Variants in UBE2O observed in about 807,000 individuals in gnomAD.
UBE2O encodes ubiquitin conjugating enzyme E2 O.
Under a neutral mutation model 125.8 loss-of-function variants are expected in UBE2O, and 15 were observed. The ratio of observed to expected loss-of-function variants is 0.12; its 90% CI spans 0.08 to 0.18. UBE2O has a LOEUF of 0.18. Among genes scored for constraint, UBE2O ranks in the 10% least tolerant of loss-of-function variants. The pLI is 1.00. For missense variants in UBE2O, 1,280 were observed against 1,723.6 expected (o/e 0.74, Z 4.56); for synonymous variants, 708 against 703.2 (o/e 1.01, Z -0.11).
In UBE2O at chr17:76,400,800, C is replaced by T. The variant is rs371018680; in HGVS notation, c.894+211G>A. Among the ~76,000 whole-genome samples, 401 of 152,314 alleles carry T rather than the reference C, an allele frequency of 2.6e-3. 1 individual carries two copies. Among genetic ancestry groups the T allele is most frequent in the Non-Finnish European group, 3.3e-3 (225 of 68,028 alleles). ...CTTGCCACCCTCCCACCTTGCTCAG[C>T]CTGTACAGGCTGGGCTGGGGCACAT... On this transcript the variant is annotated intron_variant, in intron 6 of 17. Transcript: ENST00000319380. The surrounding 1 kb of genome is among the most constrained non-coding windows in gnomAD (Gnocchi z 4.3).
At chr17:76,392,209 A>T (rs2072124971) in intron 15 of UBE2O, 96 bp from the exon 16 acceptor site, 1 of 754,782 alleles carries the variant, frequency 1.3e-6, no homozygotes, top group African/African-American at 1.8e-5. Context: ...CTTTCCCAGG[A>T]CACTGTGCAG....
In UBE2O at chr17:76,418,592, C is replaced by T. The variant is rs1406270105; in HGVS notation, c.418-13020G>A. On this transcript the variant is annotated intron_variant, in intron 1 of 17. Coordinates refer to ENST00000319380, the MANE Select transcript of UBE2O (RefSeq NM_022066.4). ...AGGTTTTTTTTTTTTTTTTTTGAGA[C>T]GGAGTCTCGCTCTGTCACCCAGGCT... 4.8e-5 allele frequency among the ~76,000 whole-genome samples: 7 copies of T among 147,190 alleles called. No homozygotes were observed. The East Asian group carries it at 6.0e-4, about 13-fold the overall frequency.
rs1169008385 is a variant in UBE2O at position 76,396,693 on chromosome 17, C to T, written c.2244G>A (p.Val748=). The T allele has an allele frequency of 1.9e-6, 3 of 1,613,824 alleles. No homozygotes were observed. The highest frequency in any genetic ancestry group is 1.7e-5 in the Admixed American group (1 of 60,002). Residue 748 remains valine, a synonymous_variant, in exon 14 of 18, where the codon GTG becomes GTA. Transcript: ENST00000319380. This position sits in a 1 kb window ranked among gnomAD's most constrained non-coding sequence, Gnocchi z 6.7. Reference sequence around the variant, plus strand: ...CCTCTATCTTGGGGTGCTCGTCCTCCACCAGCCCATTGTCCGTCTCCCAGC... The same window carrying T: ...CCTCTATCTTGGGGTGCTCGTCCTCTACCAGCCCATTGTCCGTCTCCCAGC... ...SDSWETDNGL[V]EDEHPKIEEP...
chr17:76,413,612 G>A (rs2072553378), intron 1 of UBE2O, among the ~76,000 whole-genome samples: 2 of 152,200 alleles, frequency 1.3e-5, no homozygotes, highest in South Asian at 2.1e-4. Flanking sequence ...TACCGTGAGT[G>A]ACTGCTGAGA....
At chr17:76,413,418 C>A (rs1172418617) in intron 1 of UBE2O, among the ~76,000 whole-genome samples, 1 of 151,956 alleles carries the variant, frequency 6.6e-6, no homozygotes, top group East Asian at 1.9e-4. Context: ...GGTTATAGAA[C>A]CAATTTAGTG....
chr17:76,395,796 GCA>G lies in UBE2O; in HGVS notation c.2873_2874del (p.Val958AlafsTer13). The G allele has an allele frequency of 6.2e-7, 1 of 1,614,218 alleles. No homozygotes were observed. The highest frequency in any genetic ancestry group is 8.5e-7 in the Non-Finnish European group (1 of 1,180,036). The stretch of plus-strand genomic sequence containing the variant: ...GTAGCCAGCAGCGCCATCTCCTTCC[GCA>G]CTGTGCTGAAGAACTTCTTGGCTTC... ...PPEAKKFFST[V>X]RKEMALLATS... is the part of the protein sequence containing the mutation. On this transcript the variant is annotated frameshift_variant, in exon 15 of 18. Transcript: ENST00000319380. LOFTEE classifies it high-confidence loss of function. This position sits in a 1 kb window ranked among gnomAD's most constrained non-coding sequence, Gnocchi z 5.0.
chr17:76,425,225 C>CAAAAAAAAAAAAAA (rs58377572), intron 1 of UBE2O, among the ~76,000 whole-genome samples: 7 of 95,062 alleles, frequency 7.4e-5, no homozygotes, highest in Non-Finnish European at 1.4e-4. Context: ...GTCCTTTCGA[C>CAAAAAAAAAAAAAA]AAAAAAAAAA....
Position 76,452,901 on chromosome 17 carries a change from G to A in UBE2O, c.241C>T (p.Leu81Phe). 6.7e-7 allele frequency: 1 copy of A among 1,497,518 alleles called. No individual in the cohort carries two copies. The highest frequency in any genetic ancestry group is 8.9e-7 in the Non-Finnish European group (1 of 1,122,592). 92.8% of individuals were successfully genotyped at this position (1,497,518 alleles called of 1,614,324 possible). A position where few individuals can be genotyped will look rare whatever the true frequency, so the allele number is the denominator to read the frequency against. ...GAGTCCGAGTCCTCGCCGTGGATGA[G>A]GCGCACCAGCCCGAAGTGCACGGAG... Reference protein sequence around the residue: ...RGSVHFGLVRLIHGEDSDSEG... With the variant: ...RGSVHFGLVRFIHGEDSDSEG... The change falls in exon 1 of 18, where the codon CTC (leucine) becomes TTC (phenylalanine). Residue 81 changes from leucine to phenylalanine, a missense_variant. By Grantham distance (22) the Leu-to-Phe change is conservative. Coordinates refer to ENST00000319380, the MANE Select transcript of UBE2O (RefSeq NM_022066.4). The surrounding 1 kb of genome is among the most constrained non-coding windows in gnomAD (Gnocchi z 4.4).
intron 1 of UBE2O, among the ~76,000 whole-genome samples, chr17:76,437,709 G>A (rs1456880680): frequency 6.6e-6 from 1 of 152,108 alleles, no homozygotes; most frequent in Non-Finnish European, 1.5e-5. Context: ...ACGTGCCACT[G>A]TGCCTGGCTC....
Position 76,399,092 on chromosome 17 carries a change from C to G in UBE2O, c.1629-101G>C. 6.9e-7 allele frequency: 1 copy of G among 1,447,204 alleles called. No individual in the cohort carries two copies. The allele number at this position is 1,447,204 out of a possible 1,614,324, so 89.6% of individuals were successfully genotyped here. A position where few individuals can be genotyped will look rare whatever the true frequency, so the allele number is the denominator to read the frequency against. On this transcript the variant is annotated intron_variant, in intron 9 of 17. Transcript: ENST00000319380. The surrounding 1 kb of genome is among the most constrained non-coding windows in gnomAD (Gnocchi z 6.9). The stretch of plus-strand genomic sequence containing the variant: ...CTTCCTGTCCCTGTGGGCTTGGTAA[C>G]CTGAAACTCTGAATCCCAGGTTGGC...
chr17:76,424,555 T>C (rs1031487489), intron 1 of UBE2O, among the ~76,000 whole-genome samples: 1 of 152,058 alleles, frequency 6.6e-6, no homozygotes, highest in Non-Finnish European at 1.5e-5. Context: ...GTATCTTGGA[T>C]ATATACTGAG....
At chr17:76,450,488 C>T (rs2073221356) in intron 1 of UBE2O, among the ~76,000 whole-genome samples, 1 of 152,158 alleles carries the variant, frequency 6.6e-6, no homozygotes, top group African/African-American at 2.4e-5. Context: ...CGTCCCTTGG[C>T]TTTTGCTAAA....
intron 1 of UBE2O, among the ~76,000 whole-genome samples, chr17:76,407,148 C>T (rs1048566260): frequency 6.6e-6 from 1 of 152,178 alleles, no homozygotes; most frequent in Non-Finnish European, 1.5e-5. Flanking sequence ...GTCACCAAGG[C>T]AGCGGACCGC....
chr17:76,398,368 C>T lies in UBE2O; in HGVS notation c.1912G>A (p.Glu638Lys). ...GDDVELIGEE[E>K]DVSVYDIADH... ...GCAATGTCGTAAACACTCACATCTT[C>T]CTCTTCTCCAATCAGCTGTGGCACA... The change falls in exon 12 of 18, where the codon GAA becomes AAA. Residue 638 changes from glutamate (E) to lysine (K), a missense_variant. By Grantham distance (56) the Glu-to-Lys change is moderately conservative (BLOSUM62 1). Coordinates refer to ENST00000319380, the MANE Select transcript of UBE2O (RefSeq NM_022066.4). The surrounding 1 kb of genome is among the most constrained non-coding windows in gnomAD (Gnocchi z 5.4). The T allele has an allele frequency of 6.2e-7, 1 of 1,614,132 alleles. No homozygotes were observed. Among genetic ancestry groups the T allele is most frequent in the South Asian group, 1.1e-5 (1 of 91,074 alleles).
rs1259133950 is a variant in UBE2O, at chr17:76,452,048, C to T, written c.417+677G>A. 6.6e-6 allele frequency among the ~76,000 whole-genome samples: 1 copy of T among 151,956 alleles called. No individual in the cohort carries two copies. The highest frequency in any genetic ancestry group is 1.9e-4 in the East Asian group (1 of 5,194). ...TCTGGATTATTTTTTTCAAGGAGTC[C>T]ATATGCACTTAGGAGTCATCAATCC... On this transcript the variant is annotated intron_variant, in intron 1 of 17. Transcript: ENST00000319380. The surrounding 1 kb of genome is among the most constrained non-coding windows in gnomAD (Gnocchi z 4.4).
chr17:76,452,685 C>A lies in UBE2O; in HGVS notation c.417+40G>T. 2.2e-6 allele frequency: 3 copies of A among 1,346,920 alleles called. No homozygotes were observed. Among genetic ancestry groups the A allele is most frequent in the Non-Finnish European group, 1.9e-6 (2 of 1,059,640 alleles). The allele number at this position is 1,346,920 out of a possible 1,614,324, so 83.4% of individuals were successfully genotyped here. On this transcript the variant is annotated intron_variant, in intron 1 of 17. Transcript: ENST00000319380. This position sits in a 1 kb window ranked among gnomAD's most constrained non-coding sequence, Gnocchi z 4.4. ...TCCCTGGCCTCGGCCCGGCCGCCGA[C>A]CCCCTGCCGCCCGCGCCGCCCAGCC...
At chr17:76,394,772 A>C (rs897197887) in intron 15 of UBE2O, among the ~76,000 whole-genome samples, 2 of 152,242 alleles carry the variant, frequency 1.3e-5, no homozygotes, top group Non-Finnish European at 2.9e-5. Flanking sequence ...GTCTGGTCAA[A>C]GGCAACTTTA....
chr17:76,414,280 T>C (rs1481977182), intron 1 of UBE2O, among the ~76,000 whole-genome samples: 1 of 152,258 alleles, frequency 6.6e-6, no homozygotes, highest in Non-Finnish European at 1.5e-5. Flanking sequence ...ACTGATTGAA[T>C]AGTTTTTGAG....
In UBE2O at chr17:76,414,475, C is replaced by T. The variant is rs141110856; in HGVS notation, c.418-8903G>A. Among the ~76,000 whole-genome samples the T allele has an allele frequency of 9.4e-3, 1,425 of 152,292 alleles. 67 individuals carry two copies. Among genetic ancestry groups the T allele is most frequent in the Admixed American group, 0.07 (1,065 of 15,304 alleles). On this transcript the variant is annotated intron_variant, in intron 1 of 17. Coordinates refer to ENST00000319380, the MANE Select transcript of UBE2O (RefSeq NM_022066.4). ...CAGAAACTGAGTCCTGTCTGGATGG[C>T]GGTGGGGGAAGGCAGGAGGACCGGG...
Sources: gnomAD v4.1 joint callset for allele counts (sites outside exome capture counted in the v4.1 genomes callset) on GRCh38, gnomAD v4.1.1 for gene constraint, Gnocchi (gnomAD v3.1) non-coding constraint, MANE v1.5 for transcripts, NCBI Gene and HGNC (gene_info 2026-07-23, HGNC 2026-07-21) for gene names.